The following RAP1GDS1 variants were observed in gnomAD, a reference collection of about 807,000 sequenced individuals.
The protein encoded by RAP1GDS1 is RAP1, GTP-GDP dissociation stimulator 1.
A neutral mutation model predicts 71.1 loss-of-function variants in RAP1GDS1; 35 were observed. The observed-to-expected ratio is 0.49, with a 90% CI of 0.38 to 0.65. The LOEUF (loss-of-function observed/expected upper bound fraction) is 0.65, where lower values mean the gene tolerates loss of function less well. Among genes scored for constraint, RAP1GDS1 ranks in the 30% least tolerant of loss-of-function variants. RAP1GDS1 has a pLI of 0.00. For missense variants in RAP1GDS1, 663 were observed against 706.1 expected, an observed-to-expected ratio of 0.94 and a Z score of 0.69; for synonymous variants, 229 against 243.1, an observed-to-expected ratio of 0.94 and a Z score of 0.54.
At chr4:98,372,088 T>C (rs1379086690) in intron 4 of RAP1GDS1, among the ~76,000 whole-genome samples, 1 of 152,142 alleles carries the variant, frequency 6.6e-6, no homozygotes, top group Admixed American at 6.5e-5. Flanking sequence ...TGAACTGTTC[T>C]TTGTTCCTCT....
chr4:98,299,692 T>C (rs1728293207), intron 2 of RAP1GDS1, among the ~76,000 whole-genome samples: 1 of 151,728 alleles, frequency 6.6e-6, no homozygotes, highest in Non-Finnish European at 1.5e-5. Context: ...TGGAATGCAG[T>C]GGCACGATCT....
At chr4:98,302,618 C>A (rs970284493) in intron 2 of RAP1GDS1, among the ~76,000 whole-genome samples, 2 of 152,082 alleles carry the variant, frequency 1.3e-5, no homozygotes, top group African/African-American at 4.8e-5. Flanking sequence ...TGAAAGGGCC[C>A]ACCATATACT....
At chr4:98,351,945 T>C (rs1434493437) in intron 3 of RAP1GDS1, among the ~76,000 whole-genome samples, 1 of 151,504 alleles carries the variant, frequency 6.6e-6, no homozygotes, top group Middle Eastern at 3.2e-3. Context: ...ATCTTACCAA[T>C]CAAAAAGGAC....
chr4:98,431,992 T>A lies in RAP1GDS1; in HGVS notation c.1441-1944T>A, dbSNP rs1459981923. ...TACATGTGCACAACGTGCAGATTTGTTACATAGGTATACATGTGCCGTGTT... is the reference window on the plus strand; with the variant it reads ...TACATGTGCACAACGTGCAGATTTGATACATAGGTATACATGTGCCGTGTT... On this transcript the variant is annotated intron_variant, in intron 12 of 14. Coordinates refer to ENST00000408927, the MANE Select transcript of RAP1GDS1 (RefSeq NM_001100427.2). Among the ~76,000 whole-genome samples the A allele has an allele frequency of 2.6e-5, 4 of 152,290 alleles. No homozygotes were observed. The South Asian group carries it at 6.2e-4, about 24-fold the overall frequency.
At position 98,416,841 on chromosome 4, in the gene RAP1GDS1, C is replaced by T. The variant is rs751563026; in HGVS notation, c.860C>T (p.Thr287Ile). Reference protein sequence around the residue: ...KVDSDKEDDITELKTGSDLMV... With the variant: ...KVDSDKEDDIIELKTGSDLMV... The stretch of plus-strand genomic sequence containing the variant: ...GATAGTGACAAAGAAGATGATATTA[C>T]TGAGCTCAAAACTGGTTCAGATCTC... The change falls in exon 8 of 15, where the codon ACT becomes ATT. Residue 287 changes from threonine to isoleucine, a missense_variant. Thr to Ile is a moderately conservative substitution (Grantham distance 89). Transcript: ENST00000408927. The T allele has an allele frequency of 2.5e-6, 4 of 1,613,986 alleles. No individual in the cohort carries two copies. The highest frequency in any genetic ancestry group is 1.3e-5 in the African/African-American group (1 of 75,030).
chr4:98,380,133 G>A (rs1480234149), intron 5 of RAP1GDS1, among the ~76,000 whole-genome samples: 1 of 151,362 alleles, frequency 6.6e-6, no homozygotes, highest in Non-Finnish European at 1.5e-5. Context: ...CTGATATTTG[G>A]CCCTTGTTGT....
intron 14 of RAP1GDS1, among the ~76,000 whole-genome samples, chr4:98,438,646 G>A (rs1026051420): frequency 1.5e-5 from 2 of 135,832 alleles, no homozygotes; most frequent in Non-Finnish European, 1.5e-5. Flanking sequence ...AGGCTGGAGT[G>A]CAGTGGCGTG....
At chr4:98,318,495 CA>C (rs1160174697) in intron 2 of RAP1GDS1, among the ~76,000 whole-genome samples, 2 of 152,322 alleles carry the variant, frequency 1.3e-5, no homozygotes, top group East Asian at 3.9e-4. Context: ...CTCCCCATCT[CA>C]AAATACTTTA....
chr4:98,308,879 A>G (rs1560810226), intron 2 of RAP1GDS1, among the ~76,000 whole-genome samples: 1 of 152,156 alleles, frequency 6.6e-6, no homozygotes, highest in Non-Finnish European at 1.5e-5. Context: ...GTATAGTTTC[A>G]AAAGTTTTCA....
At chr4:98,325,189 C>T (rs1732795425) in intron 2 of RAP1GDS1, among the ~76,000 whole-genome samples, 1 of 151,626 alleles carries the variant, frequency 6.6e-6, no homozygotes, top group African/African-American at 2.4e-5. Flanking sequence ...CATCACTGGC[C>T]ATCAGAGAAA....
At chr4:98,296,876 C>A in intron 2 of RAP1GDS1, 1 of 380,318 alleles carries the variant, frequency 2.6e-6, no homozygotes, top group Non-Finnish European at 5.1e-6. Flanking sequence ...AATTAACATT[C>A]TATTTGTAAT....
At chr4:98,397,098 TTCC>T (rs1197914323) in intron 6 of RAP1GDS1, among the ~76,000 whole-genome samples, 9 of 152,198 alleles carry the variant, frequency 5.9e-5, no homozygotes, top group Admixed American at 2.6e-4. Context: ...AAAGATTGTT[TTCC>T]TCCTGATTGT....
Position 98,418,719 on chromosome 4 carries a change from A to G in RAP1GDS1, c.1102A>G (p.Arg368Gly). Reference sequence around the variant, plus strand: ...AGAAAAACTTATGGATTTACTGGACAGACATGTAGAAGATGGAAATGTAAC... The same window carrying G: ...AGAAAAACTTATGGATTTACTGGACGGACATGTAGAAGATGGAAATGTAAC... Reference protein sequence around the residue: ...IVEKLMDLLDRHVEDGNVTVQ... With the variant: ...IVEKLMDLLDGHVEDGNVTVQ... Residue 368 changes from arginine (R) to glycine (G), a missense_variant, in exon 10 of 15, where the codon AGA (arginine) becomes GGA (glycine). By Grantham distance (125) the Arg-to-Gly change is moderately radical (BLOSUM62 -2). Transcript: ENST00000408927. 1 of 1,612,862 alleles carries G rather than the reference A, an allele frequency of 6.2e-7. No homozygotes were observed. Among genetic ancestry groups the G allele is most frequent in the Non-Finnish European group, 8.5e-7 (1 of 1,179,444 alleles).
intron 3 of RAP1GDS1, among the ~76,000 whole-genome samples, chr4:98,349,837 T>A (rs558181764): frequency 7.2e-6 from 1 of 138,550 alleles, no homozygotes; most frequent in South Asian, 2.3e-4. Flanking sequence ...AACATCCCTG[T>A]TTTTTTTTTT....
intron 2 of RAP1GDS1, among the ~76,000 whole-genome samples, chr4:98,325,778 G>C (rs796191738): frequency 2.5e-5 from 3 of 119,370 alleles, no homozygotes; most frequent in Admixed American, 9.2e-5. Flanking sequence ...GTGGTGGGGT[G>C]GGGGGAGGGG....
intron 13 of RAP1GDS1, among the ~76,000 whole-genome samples, chr4:98,435,263 A>C (rs1203342820): frequency 3.3e-5 from 5 of 152,194 alleles, no homozygotes; most frequent in African/African-American, 9.7e-5. Context: ...CACTCATGTG[A>C]GTATTTTTTT....
intron 1 of RAP1GDS1, among the ~76,000 whole-genome samples, chr4:98,279,352 A>G (rs1185143775): frequency 6.6e-6 from 1 of 151,992 alleles, no homozygotes; most frequent in Non-Finnish European, 1.5e-5. Flanking sequence ...TATATGCAAA[A>G]GAATTACATA....
chr4:98,362,015 T>C (rs966277669), intron 4 of RAP1GDS1, among the ~76,000 whole-genome samples: 13 of 152,200 alleles, frequency 8.5e-5, no homozygotes. Flanking sequence ...GTTTTGAGTT[T>C]TAGAAACGAT....
At chr4:98,393,017 G>A (rs148777919) in intron 6 of RAP1GDS1, among the ~76,000 whole-genome samples, 1 of 151,820 alleles carries the variant, frequency 6.6e-6, no homozygotes, top group Non-Finnish European at 1.5e-5. Flanking sequence ...TCTTCCCCAC[G>A]CCCCCACCTT....
Sources: gnomAD v4.1 joint callset for allele counts (sites outside exome capture counted in the v4.1 genomes callset) on GRCh38, gnomAD v4.1.1 for gene constraint, MANE v1.5 for transcripts, NCBI Gene and HGNC (gene_info 2026-07-23, HGNC 2026-07-21) for gene names.